The following PCDH9 variants were observed in gnomAD, a reference collection of about 807,000 sequenced individuals.
PCDH9 encodes the protein protocadherin-9.
PCDH9 carries 24 observed loss-of-function variants against 70.6 expected under a neutral mutation model. That is an observed-to-expected ratio of 0.34 (90% CI 0.25 to 0.48). The LOEUF is 0.48. Ranked by LOEUF, PCDH9 falls within the 20% of genes least tolerant of loss-of-function variation. PCDH9 has a pLI of 0.99. For missense variants in PCDH9, 1,281 were observed against 1,503.6 expected, an observed-to-expected ratio of 0.85 and a Z score of 2.45; for synonymous variants, 562 against 558.5, an observed-to-expected ratio of 1.01 and a Z score of -0.09.
chr13:67,147,004 G>A (rs1339537717), intron 2 of PCDH9, among the ~76,000 whole-genome samples: 1 of 151,920 alleles, frequency 6.6e-6, no homozygotes, highest in East Asian at 1.9e-4. Flanking sequence ...TGTTATATAG[G>A]TGCCCAGAGG....
chr13:66,961,094 A>T lies in PCDH9; in HGVS notation c.3037-57489T>A, dbSNP rs2083338324. On this transcript the variant is annotated intron_variant, in intron 2 of 4. Coordinates refer to ENST00000377865, the MANE Select transcript of PCDH9 (RefSeq NM_203487.3). ...GACTTTAACTGACTATAGTACAAAA[A>T]ATTTACCATGTCTATTTTTTAAAAA... 1.3e-5 allele frequency among the ~76,000 whole-genome samples: 2 copies of T among 152,208 alleles called. 1 individual carries two copies. The highest frequency in any genetic ancestry group is 4.1e-4 in the South Asian group (2 of 4,826).
chr13:66,866,463 C>T (rs866153247), intron 3 of PCDH9, among the ~76,000 whole-genome samples: 6 of 151,282 alleles, frequency 4.0e-5, no homozygotes, highest in Middle Eastern at 3.2e-3. Context: ...GCCTGGGGGA[C>T]AGAGCGAGAC....
intron 4 of PCDH9, among the ~76,000 whole-genome samples, chr13:66,404,004 C>A (rs1957234824): frequency 6.6e-6 from 1 of 152,124 alleles, no homozygotes; most frequent in Non-Finnish European, 1.5e-5. Context: ...TGAGATTCTA[C>A]TGAAATGTCT....
At chr13:66,751,559 T>G (rs183621174) in intron 3 of PCDH9, among the ~76,000 whole-genome samples, 1 of 152,276 alleles carries the variant, frequency 6.6e-6, no homozygotes, top group Non-Finnish European at 1.5e-5. Flanking sequence ...ATGTTAACAA[T>G]TATGTCTCAA....
At chr13:67,183,618 T>A (rs1254368629) in intron 2 of PCDH9, among the ~76,000 whole-genome samples, 1 of 152,114 alleles carries the variant, frequency 6.6e-6, no homozygotes, top group Non-Finnish European at 1.5e-5. Context: ...AAAAACCAAA[T>A]AAGATATGAT....
At chr13:66,614,540 G>T (rs1355219796) in intron 4 of PCDH9, among the ~76,000 whole-genome samples, 2 of 152,124 alleles carry the variant, frequency 1.3e-5, no homozygotes. Flanking sequence ...AATATCAAGT[G>T]TTTTAACACT....
intron 4 of PCDH9, among the ~76,000 whole-genome samples, chr13:66,327,972 T>G (rs1304300875): frequency 6.6e-6 from 1 of 152,198 alleles, no homozygotes; most frequent in Non-Finnish European, 1.5e-5. Context: ...TGGTATAATC[T>G]GACATCTAAT....
chr13:66,707,326 A>T (rs1282744286), intron 3 of PCDH9, among the ~76,000 whole-genome samples: 4 of 152,194 alleles, frequency 2.6e-5, no homozygotes, highest in Non-Finnish European at 5.9e-5. Flanking sequence ...CTGTTGACTT[A>T]TTTTACCATA....
intron 4 of PCDH9, among the ~76,000 whole-genome samples, chr13:66,312,330 C>T (rs1461151199): frequency 6.6e-6 from 1 of 152,060 alleles, no homozygotes; most frequent in Non-Finnish European, 1.5e-5. Context: ...CAAGAGAGAG[C>T]AAAGAAATGA....
intron 2 of PCDH9, among the ~76,000 whole-genome samples, chr13:67,038,518 A>G: frequency 6.6e-6 from 1 of 152,192 alleles, no homozygotes. Context: ...GTAATTGCTC[A>G]TAATGTGATA....
At chr13:66,536,880 T>TA (rs1960727732) in intron 4 of PCDH9, among the ~76,000 whole-genome samples, 2 of 152,010 alleles carry the variant, frequency 1.3e-5, no homozygotes, top group Non-Finnish European at 2.9e-5. Context: ...GTTGAAGAAT[T>TA]AAAAAAAGTT....
intron 2 of PCDH9, among the ~76,000 whole-genome samples, chr13:67,133,455 T>C (rs1158067253): frequency 6.6e-6 from 1 of 152,160 alleles, no homozygotes; most frequent in Non-Finnish European, 1.5e-5. Context: ...AATTCTGAAT[T>C]GGAATTCCTA....
rs572421035 is a variant in PCDH9 at position 67,079,678 on chromosome 13, T to C, written c.3036+145727A>G. 7.9e-5 allele frequency among the ~76,000 whole-genome samples: 12 copies of C among 152,270 alleles called. No individual in the cohort carries two copies. In the South Asian group the frequency reaches 2.5e-3, roughly 32 times the overall value. ...GGAAAATTTTGCATCAGATTAATCT[T>C]CCATTAATGTAGCCAGACCTCTCCC... is the stretch of plus-strand genomic sequence containing the variant. On this transcript the variant is annotated intron_variant, in intron 2 of 4. Transcript: ENST00000377865.
intron 4 of PCDH9, among the ~76,000 whole-genome samples, chr13:66,307,399 A>G (rs2138056048): frequency 6.6e-6 from 1 of 152,252 alleles, no homozygotes; most frequent in South Asian, 2.1e-4. Flanking sequence ...TTAAAGGCAG[A>G]CCTAAAGTAA....
intron 3 of PCDH9, among the ~76,000 whole-genome samples, chr13:66,651,162 G>T (rs1407041978): frequency 6.7e-6 from 1 of 149,614 alleles, no homozygotes; most frequent in Non-Finnish European, 1.5e-5. Context: ...TAAGTTAGTA[G>T]AAGAAAAAAA....
chr13:66,344,799 G>A (rs1593834121), intron 4 of PCDH9, among the ~76,000 whole-genome samples: 1 of 152,162 alleles, frequency 6.6e-6, no homozygotes, highest in African/African-American at 2.4e-5. Flanking sequence ...GGGTCCCTCT[G>A]TAAATACGGT....
chr13:67,018,119 T>C (rs1165349617), intron 2 of PCDH9, among the ~76,000 whole-genome samples: 1 of 152,218 alleles, frequency 6.6e-6, no homozygotes, highest in Non-Finnish European at 1.5e-5. Flanking sequence ...CACTATCTTG[T>C]AATAGCTAAA....
At chr13:67,176,266 A>T (rs182709410) in intron 2 of PCDH9, among the ~76,000 whole-genome samples, 18 of 152,302 alleles carry the variant, frequency 1.2e-4, no homozygotes, top group Admixed American at 1.2e-3. Flanking sequence ...GAAGTAGAGA[A>T]TAAGTGGTGT....
chr13:66,383,954 G>A (rs1956887393), intron 4 of PCDH9, among the ~76,000 whole-genome samples: 1 of 152,008 alleles, frequency 6.6e-6, no homozygotes, highest in Admixed American at 6.6e-5. Flanking sequence ...TGTTTCTGAG[G>A]ACTTAGATTT....
Sources: allele counts gnomAD v4.1 joint callset (sites outside exome capture counted in the v4.1 genomes callset), GRCh38; gene constraint gnomAD v4.1.1; transcripts MANE v1.5; gene names NCBI Gene and HGNC (gene_info 2026-07-23, HGNC 2026-07-21).